Variants in ANKRD44 observed in about 807,000 individuals in gnomAD.
ANKRD44 encodes the protein ankyrin repeat domain 44.
A neutral mutation model predicts 116.0 loss-of-function variants in ANKRD44; 35 were observed. That is an observed-to-expected ratio of 0.30 (90% CI 0.23 to 0.40). The LOEUF is 0.40. ANKRD44 is among the 10% of genes least tolerant of loss of function. ANKRD44 has a pLI of 1.00. For synonymous variants in ANKRD44, 435 were observed against 461.8 expected (o/e 0.94, Z 0.74); for missense variants, 1,014 against 1,242.6 (o/e 0.82, Z 2.77).
intron 1 of ANKRD44, among the ~76,000 whole-genome samples, chr2:197,231,839 G>C (rs1054736692): frequency 6.6e-6 from 1 of 152,058 alleles, no homozygotes; most frequent in Admixed American, 6.6e-5. Flanking sequence ...TACCTGCTAT[G>C]TGCCAGGTGC....
At chr2:196,996,582 A>G (rs2076015578) in intron 25 of ANKRD44, among the ~76,000 whole-genome samples, 1 of 152,108 alleles carries the variant, frequency 6.6e-6, no homozygotes, top group Non-Finnish European at 1.5e-5. Context: ...AACTGTTGTG[A>G]CCTCGTAAGA....
At chr2:197,007,722 T>C in intron 20 of ANKRD44, 84 bp downstream of exon 20, 3 of 893,590 alleles carry the variant, frequency 3.4e-6, no homozygotes, top group Non-Finnish European at 3.6e-6. Flanking sequence ...CCAATCAAAG[T>C]AGGCCCTTTG....
At chr2:197,032,021 C>A (rs1253207953) in intron 16 of ANKRD44, among the ~76,000 whole-genome samples, 1 of 152,136 alleles carries the variant, frequency 6.6e-6, no homozygotes, top group Non-Finnish European at 1.5e-5. Context: ...AACCCCAAAT[C>A]CTGTCCTAGA....
intron 4 of ANKRD44, among the ~76,000 whole-genome samples, chr2:197,126,999 T>C (rs2078992059): frequency 6.6e-6 from 1 of 151,544 alleles, no homozygotes; most frequent in Non-Finnish European, 1.5e-5. Context: ...AAAAAAAAAA[T>C]ACAGTAGTTT....
chr2:197,309,686 C>T (rs983147111), intron 1 of ANKRD44, among the ~76,000 whole-genome samples: 1 of 152,166 alleles, frequency 6.6e-6, no homozygotes. Context: ...GTGGGGGTAG[C>T]AAGCCGTTTC....
intron 1 of ANKRD44, among the ~76,000 whole-genome samples, chr2:197,307,658 T>C (rs1429257047): frequency 1.3e-5 from 2 of 151,996 alleles, no homozygotes; most frequent in African/African-American, 2.4e-5. Context: ...TCTTACAAGA[T>C]TGAGAGGTCA....
downstream of ANKRD44, among the ~76,000 whole-genome samples, chr2:196,984,846 G>A (rs2075825846): frequency 6.6e-6 from 1 of 152,208 alleles, no homozygotes; most frequent in Non-Finnish European, 1.5e-5. Flanking sequence ...GACCAGGGTG[G>A]CGAGTAGCTT....
intron 16 of ANKRD44, among the ~76,000 whole-genome samples, chr2:197,039,670 TGTGTGTGTGC>T (rs769828164): frequency 0.015 from 1,621 of 107,958 alleles, 13 homozygotes; most frequent in Middle Eastern, 0.027. Context: ...GTGGTGATTG[TGTGTGTGTGC>T]GTGTGTGTGT....
At chr2:197,079,661 C>T (rs1018459135) in intron 15 of ANKRD44, among the ~76,000 whole-genome samples, 19 of 152,204 alleles carry the variant, frequency 1.2e-4, no homozygotes, top group African/African-American at 4.6e-4. Flanking sequence ...CAGCATTATC[C>T]CTGTGGCAGT....
intron 1 of ANKRD44, among the ~76,000 whole-genome samples, chr2:197,261,557 TAAA>T (rs3057784): frequency 0.8 from 120,213 of 150,190 alleles, 48,245 homozygotes; most frequent in South Asian, 0.89. Context: ...AATCTTTTCT[TAAA>T]AAAAAAAAAT....
At chr2:197,124,537 A>T (rs2078932679) in intron 6 of ANKRD44, among the ~76,000 whole-genome samples, 1 of 152,104 alleles carries the variant, frequency 6.6e-6, no homozygotes, top group African/African-American at 2.4e-5. Flanking sequence ...CATATCACAG[A>T]CTCTGTGTTA....
At chr2:196,974,716 C>T (rs912844846) in intron 21 of ANKRD44, among the ~76,000 whole-genome samples, 6 of 151,656 alleles carry the variant, frequency 4.0e-5, no homozygotes, top group African/African-American at 1.5e-4. Context: ...ATGTTGAAAC[C>T]CTGTCTCTAC....
chr2:197,116,786 C>T (rs534960555), intron 8 of ANKRD44, among the ~76,000 whole-genome samples: 3 of 152,254 alleles, frequency 2.0e-5, no homozygotes, highest in African/African-American at 7.2e-5. Flanking sequence ...TGTTCTCTAC[C>T]AGTCTGCCAT....
intron 16 of ANKRD44, among the ~76,000 whole-genome samples, chr2:197,076,300 T>C (rs2077664352): frequency 6.6e-6 from 1 of 152,146 alleles, no homozygotes. Context: ...AGGAAGAAGA[T>C]TGGCATGGCA....
chr2:197,099,662 C>T (rs2078242948), intron 10 of ANKRD44, 154 bp downstream of exon 10: 7 of 1,321,600 alleles, frequency 5.3e-6, no homozygotes, highest in South Asian at 2.4e-5. Flanking sequence ...CATTAAAAGG[C>T]ACTTAATTTA....
At chr2:196,971,389 G>T (rs1013719180) in intron 21 of ANKRD44, among the ~76,000 whole-genome samples, 2 of 151,892 alleles carry the variant, frequency 1.3e-5, no homozygotes, top group African/African-American at 4.8e-5. Context: ...ACGAGTCTCA[G>T]TCTCTCACCC....
intron 16 of ANKRD44, among the ~76,000 whole-genome samples, chr2:197,031,061 A>C (rs73049645): frequency 0.041 from 6,213 of 152,254 alleles, 400 homozygotes; most frequent in African/African-American, 0.14. Flanking sequence ...CTGGAAAGCA[A>C]AACTTTCTAA....
intron 2 of ANKRD44, among the ~76,000 whole-genome samples, chr2:197,163,123 C>T (rs1402310636): frequency 2.6e-5 from 4 of 152,204 alleles, no homozygotes; most frequent in African/African-American, 9.6e-5. Context: ...AGCTGTTTGA[C>T]CATCTCAGAA....
chr2:197,010,139 G>A (rs1396046833), intron 18 of ANKRD44, among the ~76,000 whole-genome samples: 1 of 152,062 alleles, frequency 6.6e-6, no homozygotes, highest in East Asian at 1.9e-4. Flanking sequence ...ACCTGGGGCC[G>A]CCTCTTCTCC....
Sources: gnomAD v4.1 joint callset for allele counts (sites outside exome capture counted in the v4.1 genomes callset) on GRCh38, gnomAD v4.1.1 for gene constraint, MANE v1.5 for transcripts, NCBI Gene and HGNC (gene_info 2026-07-23, HGNC 2026-07-21) for gene names.